EAF2: variants seen among roughly 807,000 people sequenced by gnomAD.
EAF2 encodes the protein ELL-associated factor 2.
A neutral mutation model predicts 29.4 loss-of-function variants in EAF2; 29 were observed. The ratio of observed to expected loss-of-function variants is 0.99; its 90% CI spans 0.73 to 1.35. The LOEUF is 1.35. Among genes scored for constraint, EAF2 ranks in the 40% most tolerant of loss-of-function variants. The pLI, the probability that EAF2 is intolerant of heterozygous loss-of-function variation, is 0.00. For missense variants in EAF2, 292 were observed against 312.0 expected, an observed-to-expected ratio of 0.94 and a Z score of 0.48; for synonymous variants, 103 against 102.5, an observed-to-expected ratio of 1.00 and a Z score of -0.03.
intron 5 of EAF2, among the ~76,000 whole-genome samples, chr3:121,878,596 C>T (rs556544041): frequency 2.0e-5 from 3 of 152,244 alleles, no homozygotes; most frequent in South Asian, 4.1e-4. Context: ...TCATTCTACT[C>T]TCTATCTCCA....
intron 5 of EAF2, among the ~76,000 whole-genome samples, chr3:121,882,814 A>G (rs941506270): frequency 6.6e-6 from 1 of 151,088 alleles, no homozygotes; most frequent in Non-Finnish European, 1.5e-5. Flanking sequence ...AAAAATAGTG[A>G]AATTTCTTTT....
chr3:121,865,801 C>T (rs1421552030), intron 4 of EAF2, among the ~76,000 whole-genome samples: 1 of 152,178 alleles, frequency 6.6e-6, no homozygotes. Flanking sequence ...AAGTGTTCTC[C>T]TTGCATGCCT....
intron 4 of EAF2, among the ~76,000 whole-genome samples, chr3:121,859,965 G>A (rs1708796525): frequency 2.0e-5 from 3 of 152,140 alleles, no homozygotes; most frequent in Non-Finnish European, 4.4e-5. Context: ...TTTATGTGAT[G>A]GATTATGTTT....
intron 5 of EAF2, among the ~76,000 whole-genome samples, chr3:121,881,623 C>T (rs1007084286): frequency 6.6e-6 from 1 of 151,952 alleles, no homozygotes; most frequent in Non-Finnish European, 1.5e-5. Flanking sequence ...AATTCTTCTG[C>T]CTCAGCCTCC....
intron 2 of EAF2, among the ~76,000 whole-genome samples, chr3:121,846,720 T>A (rs1708536380): frequency 1.2e-5 from 1 of 84,762 alleles, no homozygotes; most frequent in Non-Finnish European, 2.9e-5. Flanking sequence ...TTTAGTTGGA[T>A]TTTTTTTTTT....
chr3:121,845,814 G>A (rs938795351), intron 2 of EAF2, among the ~76,000 whole-genome samples: 3 of 152,040 alleles, frequency 2.0e-5, no homozygotes, highest in Admixed American at 1.3e-4. Context: ...CAAAAGTTTT[G>A]TCCATTAAAA....
intron 3 of EAF2, among the ~76,000 whole-genome samples, chr3:121,856,187 T>C (rs1000357888): frequency 6.6e-5 from 10 of 152,202 alleles, no homozygotes; most frequent in African/African-American, 1.9e-4. Context: ...ATGGAAACTT[T>C]AGAAGTGATT....
rs777744583 is a variant in EAF2, at chr3:121,857,114, G to A, written c.442G>A (p.Asp148Asn). ...PNLVKHSPSEDKMSPASPIDD... is the reference protein window; with the variant it reads ...PNLVKHSPSENKMSPASPIDD... ...TCTTGTAAAACATTCTCCATCTGAA[G>A]ATAAGATGTCCCCAGCATCTCCAAT... is the stretch of plus-strand genomic sequence containing the variant. Residue 148 changes from aspartate (D) to asparagine (N), a missense_variant, in exon 4 of 6, where the codon GAT becomes AAT. Transcript: ENST00000273668. The A allele has an allele frequency of 1.2e-6, 2 of 1,613,488 alleles. No homozygotes were observed. The highest frequency in any genetic ancestry group is 1.7e-5 in the Admixed American group (1 of 59,876).
intron 2 of EAF2, among the ~76,000 whole-genome samples, chr3:121,844,997 A>G (rs1363252662): frequency 3.9e-5 from 6 of 152,216 alleles, no homozygotes; most frequent in South Asian, 4.1e-4. Context: ...AAAGCAAGCA[A>G]TATTTCAGCT....
At chr3:121,856,319 C>CT (rs202213987) in intron 3 of EAF2, among the ~76,000 whole-genome samples, 4,956 of 136,418 alleles carry the variant, frequency 0.036, 233 homozygotes, top group African/African-American at 0.12. Context: ...TAAGCAATGG[C>CT]TTTTTTTTTT....
chr3:121,849,140 A>C (rs765387173), intron 2 of EAF2, among the ~76,000 whole-genome samples: 1 of 152,164 alleles, frequency 6.6e-6, no homozygotes, highest in Non-Finnish European at 1.5e-5. Context: ...TGAGGCATTT[A>C]GATTCTTCTA....
intron 2 of EAF2, among the ~76,000 whole-genome samples, chr3:121,853,732 A>G (rs987873006): frequency 2.0e-5 from 3 of 152,076 alleles, no homozygotes; most frequent in African/African-American, 7.2e-5. Context: ...TATTTTCTAT[A>G]TATTGGTAGT....
intron 4 of EAF2, among the ~76,000 whole-genome samples, chr3:121,871,326 G>A (rs2141614): frequency 0.44 from 56,206 of 126,594 alleles, 11,108 homozygotes; most frequent in East Asian, 0.74. Context: ...AAGAATAGAC[G>A]AATAGACAAA....
rs1331922321 is a variant in EAF2 at position 121,872,635 on chromosome 3, A to G, written c.583A>G (p.Ser195Gly). 3 of 1,612,856 alleles carry G rather than the reference A, an allele frequency of 1.9e-6. No individual in the cohort carries two copies. The highest frequency in any genetic ancestry group is 2.5e-6 in the Non-Finnish European group (3 of 1,179,206). The change falls in exon 5 of 6, where the codon AGT (serine) becomes GGT (glycine). Residue 195 changes from serine to glycine, a missense_variant. Transcript: ENST00000273668. ...ATCTTCAAGTAGTGAGGATAGTTCTAGTGACTCAGAAGATGAAGATTGCAA... is the reference window on the plus strand; with the variant it reads ...ATCTTCAAGTAGTGAGGATAGTTCTGGTGACTCAGAAGATGAAGATTGCAA... ...SSSSSSEDSS[S>G]DSEDEDCKSS...
chr3:121,870,391 G>C (rs186756360), intron 4 of EAF2, among the ~76,000 whole-genome samples: 1 of 152,178 alleles, frequency 6.6e-6, no homozygotes, highest in African/African-American at 2.4e-5. Context: ...GGGTGAGAGG[G>C]AGGGTAGGGA....
intron 5 of EAF2, chr3:121,873,237 T>G: frequency 7.8e-6 from 4 of 509,938 alleles, no homozygotes; most frequent in Non-Finnish European, 1.4e-5. Flanking sequence ...TCTCATCACC[T>G]TCAAATTTAC....
chr3:121,838,569 C>G (rs1329861683), intron 1 of EAF2, among the ~76,000 whole-genome samples: 1 of 152,064 alleles, frequency 6.6e-6, no homozygotes, highest in Non-Finnish European at 1.5e-5. Flanking sequence ...TAAATAGATT[C>G]AGAATAGTTT....
chr3:121,873,146 T>G (rs953101475), intron 5 of EAF2: 1 of 631,130 alleles, frequency 1.6e-6, no homozygotes, highest in African/African-American at 1.9e-5. Context: ...AGTCAATACT[T>G]ATGTGTAGGT....
At chr3:121,847,644 GA>G (rs760657928) in intron 2 of EAF2, among the ~76,000 whole-genome samples, 36 of 152,210 alleles carry the variant, frequency 2.4e-4, no homozygotes, top group South Asian at 6.2e-4. Context: ...GAGTTGGGGA[GA>G]GGGGGGGAGG....
Sources: allele counts gnomAD v4.1 joint callset (sites outside exome capture counted in the v4.1 genomes callset), GRCh38; gene constraint gnomAD v4.1.1; transcripts MANE v1.5; gene names NCBI Gene and HGNC (gene_info 2026-07-23, HGNC 2026-07-21).